The following MPPED2 variants were observed in gnomAD, a reference collection of about 807,000 sequenced individuals.
MPPED2 encodes the protein metallophosphoesterase MPPED2.
In MPPED2, 5 loss-of-function variants were observed where a neutral mutation model predicts 33.0. That is an observed-to-expected ratio of 0.15 (90% CI 0.08 to 0.32). The LOEUF is 0.32. Among genes scored for constraint, MPPED2 ranks in the 10% least tolerant of loss-of-function variants. MPPED2 has a pLI of 1.00. For synonymous variants in MPPED2, 136 were observed against 141.9 expected (o/e 0.96, Z 0.29); for missense variants, 275 against 372.1 (o/e 0.74, Z 2.15).
intron 4 of MPPED2, among the ~76,000 whole-genome samples, chr11:30,441,694 T>G (rs2133900362): frequency 6.6e-6 from 1 of 152,328 alleles, no homozygotes; most frequent in South Asian, 2.1e-4. Flanking sequence ...TTTCTAAAGC[T>G]TCGGCCTCAG....
At chr11:30,430,882 T>A (rs1222317850) in intron 4 of MPPED2, among the ~76,000 whole-genome samples, 2 of 152,182 alleles carry the variant, frequency 1.3e-5, no homozygotes, top group Non-Finnish European at 2.9e-5. Context: ...AATCTGCATC[T>A]GGGCATGCTC....
At chr11:30,573,059 A>G (rs1564910569) in intron 2 of MPPED2, among the ~76,000 whole-genome samples, 1 of 152,220 alleles carries the variant, frequency 6.6e-6, no homozygotes, top group South Asian at 2.1e-4. Flanking sequence ...AACGCTATCA[A>G]GAAGTCTATT....
intron 3 of MPPED2, among the ~76,000 whole-genome samples, chr11:30,505,676 T>A (rs1952791158): frequency 6.6e-6 from 1 of 152,194 alleles, no homozygotes; most frequent in Admixed American, 6.5e-5. Context: ...GAAAACCGCA[T>A]CCAAATCAAG....
chr11:30,534,523 A>G lies in MPPED2; in HGVS notation c.310+1471T>C, dbSNP rs151318792. On this transcript the variant is annotated intron_variant, in intron 3 of 6. Coordinates refer to ENST00000358117, the MANE Select transcript of MPPED2 (RefSeq NM_001584.3). ...TTTAAAATATCTTGCCATTTTAAAT[A>G]ACATGATTAAGTACCTACTAAAACA... Among the ~76,000 whole-genome samples the G allele has an allele frequency of 3.1e-3, 479 of 152,356 alleles. 1 individual carries two copies. The highest frequency in any genetic ancestry group is 0.011 in the African/African-American group (449 of 41,586).
intron 3 of MPPED2, among the ~76,000 whole-genome samples, chr11:30,495,733 T>C (rs147180184): frequency 6.6e-6 from 1 of 152,318 alleles, no homozygotes; most frequent in African/African-American, 2.4e-5. Context: ...AGCTAAAACG[T>C]TGCTAAAAAG....
chr11:30,521,137 T>TG (rs927797904), intron 3 of MPPED2, among the ~76,000 whole-genome samples: 60 of 152,274 alleles, frequency 3.9e-4, no homozygotes, highest in African/African-American at 1.4e-3. Flanking sequence ...TTTATGAATT[T>TG]GGGGGGAGAT....
rs76371518 is a variant in MPPED2 at position 30,533,581 on chromosome 11, T to C, written c.310+2413A>G. On this transcript the variant is annotated intron_variant, in intron 3 of 6. Transcript: ENST00000358117. ...AGCACCCTTTCAGAAAGGGTCCTCA[T>C]TGAGCCAAGTGGTAGAGTGTTATCA... is the stretch of plus-strand genomic sequence containing the variant. Among the ~76,000 whole-genome samples the C allele has an allele frequency of 9.0e-3, 1,371 of 152,246 alleles. 19 individuals are homozygous for C. Among genetic ancestry groups the C allele is most frequent in the Non-Finnish European group, 0.013 (883 of 67,990 alleles).
At chr11:30,413,458 C>T (rs891099653) in intron 6 of MPPED2, among the ~76,000 whole-genome samples, 23 of 152,212 alleles carry the variant, frequency 1.5e-4, no homozygotes, top group Non-Finnish European at 3.1e-4. Context: ...GCCCAGTTAC[C>T]CATGATTTGA....
chr11:30,468,256 A>ACACT (rs1408746552), intron 4 of MPPED2, among the ~76,000 whole-genome samples: 3,423 of 142,872 alleles, frequency 0.024, 105 homozygotes, highest in African/African-American at 0.079. Context: ...ACACACACAC[A>ACACT]CTCTCTCTCT....
At chr11:30,430,545 G>A (rs536540139) in intron 4 of MPPED2, among the ~76,000 whole-genome samples, 15 of 152,194 alleles carry the variant, frequency 9.9e-5, no homozygotes, top group African/African-American at 3.6e-4. Flanking sequence ...GCTGTCACAG[G>A]CCATATATAA....
chr11:30,407,017 A>G (rs544561208), downstream of MPPED2, among the ~76,000 whole-genome samples: 30 of 152,320 alleles, frequency 2.0e-4, no homozygotes, highest in South Asian at 1.4e-3. Context: ...ATGGGGCATT[A>G]TTCTGAGACA....
In MPPED2 at chr11:30,536,090, C is replaced by A; in HGVS notation, c.214G>T (p.Gly72Cys). Residue 72 changes from glycine to cysteine, a missense_variant, in exon 3 of 7, where the codon GGT becomes TGT. Coordinates refer to ENST00000358117, the MANE Select transcript of MPPED2 (RefSeq NM_001584.3). ...CISDTHSRTD[G>C]IQMPYGDILL... ...ATGTCCCCATAAGGCATCTGGATAC[C>A]ATCTGTTCTGGAGTGTGTGTCTGAG... The A allele has an allele frequency of 1.2e-6, 2 of 1,613,548 alleles. No individual in the cohort carries two copies. Among genetic ancestry groups the A allele is most frequent in the Non-Finnish European group, 1.7e-6 (2 of 1,179,828 alleles).
At chr11:30,469,481 C>T (rs1950856991) in intron 4 of MPPED2, among the ~76,000 whole-genome samples, 1 of 152,134 alleles carries the variant, frequency 6.6e-6, no homozygotes, top group African/African-American at 2.4e-5. Flanking sequence ...TGAAAAATCT[C>T]AGAATCGGAG....
At chr11:30,519,566 T>C (rs1953737110) in intron 3 of MPPED2, among the ~76,000 whole-genome samples, 2 of 151,992 alleles carry the variant, frequency 1.3e-5, no homozygotes, top group African/African-American at 4.8e-5. Context: ...TAAGGAGATA[T>C]ATATATGTGT....
At chr11:30,545,203 G>C (rs2134571228) in intron 2 of MPPED2, among the ~76,000 whole-genome samples, 1 of 152,252 alleles carries the variant, frequency 6.6e-6, no homozygotes, top group Middle Eastern at 3.4e-3. Context: ...TGAATTTTAG[G>C]AAAAGTGGGG....
At chr11:30,539,838 G>A (rs771526998) in intron 2 of MPPED2, among the ~76,000 whole-genome samples, 1 of 151,956 alleles carries the variant, frequency 6.6e-6, no homozygotes, top group Non-Finnish European at 1.5e-5. Context: ...ATGTTTCCTG[G>A]GCTAGTCTTG....
Position 30,421,411 on chromosome 11 carries a change from T to C in MPPED2, c.537-3778A>G, listed in dbSNP as rs574226293. ...CCAAGTTAAGGATGAAGTTTAACAA[T>C]GTCTGTCTTTTATTTCAACTCAGAT... On this transcript the variant is annotated intron_variant, in intron 4 of 6. Transcript: ENST00000358117. Among the ~76,000 whole-genome samples, 11 of 152,066 alleles carry C rather than the reference T, an allele frequency of 7.2e-5. No individual in the cohort carries two copies. In the South Asian group the frequency reaches 2.3e-3, roughly 32 times the overall value.
chr11:30,428,743 A>G (rs1178407380), intron 4 of MPPED2, among the ~76,000 whole-genome samples: 3 of 152,218 alleles, frequency 2.0e-5, no homozygotes, highest in Non-Finnish European at 2.9e-5. Flanking sequence ...AAAAATAGCA[A>G]CCATACACGT....
At chr11:30,585,135 TTCA>T (rs1957399252) in intron 1 of MPPED2, among the ~76,000 whole-genome samples, 1 of 152,132 alleles carries the variant, frequency 6.6e-6, no homozygotes, top group Admixed American at 6.5e-5. Context: ...AACCCCGGAA[TTCA>T]AAGGCTTTAC....
Sources: gnomAD v4.1 joint callset for allele counts (sites outside exome capture counted in the v4.1 genomes callset) on GRCh38, gnomAD v4.1.1 for gene constraint, MANE v1.5 for transcripts, NCBI Gene and HGNC (gene_info 2026-07-23, HGNC 2026-07-21) for gene names.